The following APBB2 variants were observed in gnomAD, a reference collection of about 807,000 sequenced individuals.
The protein encoded by APBB2 is amyloid beta precursor protein binding family B member 2, also known as Fe65-like 1.
In APBB2, 38 loss-of-function variants were observed where a neutral mutation model predicts 82.5. That is an observed-to-expected ratio of 0.46 (90% confidence interval 0.36 to 0.60). The LOEUF (loss-of-function observed/expected upper bound fraction) is 0.60. Ranked by LOEUF, APBB2 falls within the 20% of genes least tolerant of loss-of-function variation. APBB2 has a pLI of 0.00. For synonymous variants in APBB2, 341 were observed against 368.2 expected (o/e 0.93, Z 0.85); for missense variants, 772 against 972.3 (o/e 0.79, Z 2.74).
chr4:40,971,843 A>G lies in APBB2; in HGVS notation c.836-26770T>C, dbSNP rs1022702466. On this transcript the variant is annotated intron_variant, in intron 6 of 17. Coordinates refer to ENST00000508593, the MANE Select transcript of APBB2 (RefSeq NM_004307.2). Reference sequence around the variant, plus strand: ...GTAATCCCTTAAATTCTTGATCTACATTCAAACCATTGACTTATTAATAGG... The same window carrying G: ...GTAATCCCTTAAATTCTTGATCTACGTTCAAACCATTGACTTATTAATAGG... Among the ~76,000 whole-genome samples the G allele has an allele frequency of 2.6e-5, 4 of 152,218 alleles. No homozygotes were observed. The South Asian group carries it at 8.3e-4, about 32-fold the overall frequency.
At chr4:40,929,559 A>C (rs995296325) in intron 10 of APBB2, among the ~76,000 whole-genome samples, 1 of 152,226 alleles carries the variant, frequency 6.6e-6, no homozygotes, top group Non-Finnish European at 1.5e-5. Flanking sequence ...GTGGCCTCCC[A>C]GAGTGCTGGG....
At chr4:40,881,856 C>T (rs1768718406) in intron 12 of APBB2, among the ~76,000 whole-genome samples, 1 of 152,064 alleles carries the variant, frequency 6.6e-6, no homozygotes, top group South Asian at 2.1e-4. Context: ...TTCTAAATCA[C>T]TGTCACCTAA....
intron 7 of APBB2, among the ~76,000 whole-genome samples, chr4:40,939,598 T>C (rs1400583215): frequency 6.6e-6 from 1 of 152,126 alleles, no homozygotes; most frequent in Non-Finnish European, 1.5e-5. Flanking sequence ...TTTATATGTG[T>C]ACAGTTTTTC....
intron 5 of APBB2, among the ~76,000 whole-genome samples, chr4:41,026,571 T>C (rs565866409): frequency 6.6e-6 from 1 of 152,252 alleles, no homozygotes; most frequent in African/African-American, 2.4e-5. Flanking sequence ...ACATTTCATA[T>C]AAACAGAATC....
rs1744592463 is a variant in APBB2, at chr4:41,099,353, C to G, written c.-149+1286G>C. The stretch of plus-strand genomic sequence containing the variant: ...AAGCAATTCTCCTGCCTCAGGCTTC[C>G]GAGTAGCTGGGATTACAGGCATGCA... On this transcript the variant is annotated intron_variant, in intron 3 of 17. Coordinates refer to ENST00000508593, the MANE Select transcript of APBB2 (RefSeq NM_004307.2). 3.3e-5 allele frequency among the ~76,000 whole-genome samples: 5 copies of G among 152,152 alleles called. No individual in the cohort carries two copies. The South Asian group carries it at 1.0e-3, about 32-fold the overall frequency.
intron 1 of APBB2, among the ~76,000 whole-genome samples, chr4:41,199,193 A>AC (rs1553993457): frequency 6.6e-6 from 1 of 152,010 alleles, no homozygotes; most frequent in East Asian, 1.9e-4. Flanking sequence ...GATGCCCTCA[A>AC]TAGAACTGAC....
chr4:40,830,206 A>G (rs917649653), intron 13 of APBB2, among the ~76,000 whole-genome samples: 1 of 151,180 alleles, frequency 6.6e-6, no homozygotes, highest in African/African-American at 2.4e-5. Context: ...CTGAACACAC[A>G]CACACATATA....
chr4:40,939,239 G>A (rs1431880215), intron 7 of APBB2, among the ~76,000 whole-genome samples: 1 of 152,118 alleles, frequency 6.6e-6, no homozygotes, highest in Non-Finnish European at 1.5e-5. Context: ...GGAATGCTGG[G>A]GTTCAAATTC....
At chr4:41,108,646 C>A (rs1748094171) in intron 2 of APBB2, among the ~76,000 whole-genome samples, 1 of 152,196 alleles carries the variant, frequency 6.6e-6, no homozygotes, top group African/African-American at 2.4e-5. Flanking sequence ...CAGATTTACA[C>A]TGACCAAACA....
chr4:40,959,766 C>G (rs2154390434), intron 6 of APBB2, among the ~76,000 whole-genome samples: 1 of 152,218 alleles, frequency 6.6e-6, no homozygotes, highest in Admixed American at 6.5e-5. Context: ...ATGCATAAAC[C>G]ATATACATTT....
intron 2 of APBB2, among the ~76,000 whole-genome samples, chr4:41,105,682 A>T (rs575724251): frequency 6.6e-6 from 1 of 152,302 alleles, no homozygotes; most frequent in Admixed American, 6.5e-5. Context: ...CAGGAGATTG[A>T]GACCATCCTG....
rs181752350 is a variant in APBB2, at chr4:40,961,498, G to T, written c.836-16425C>A. ...ATCACACTCTGGGGACTGTTGTGGG[G>T]TGGGGGGAGGGGGGAGGGATAGCAT... On this transcript the variant is annotated intron_variant, in intron 6 of 17. Coordinates refer to ENST00000508593, the MANE Select transcript of APBB2 (RefSeq NM_004307.2). Among the ~76,000 whole-genome samples, 656 of 90,484 alleles carry T rather than the reference G, an allele frequency of 7.2e-3. 2 individuals carry two copies. The highest frequency in any genetic ancestry group is 0.011 in the Non-Finnish European group (526 of 49,288). The allele number at this position is 90,484 out of a possible 152,430, so 59.4% of individuals were successfully genotyped here.
At position 41,041,994 on chromosome 4, in the gene APBB2, T is replaced by G. The variant is rs181232148; in HGVS notation, c.-50-8690A>C. ...CAAATATACCTGATCTCCAACTTTC[T>G]TTTTTTTTATTTTTTTGAGGCAGTC... On this transcript the variant is annotated intron_variant, in intron 4 of 17. Transcript: ENST00000508593. 1.3e-4 allele frequency among the ~76,000 whole-genome samples: 20 copies of G among 151,720 alleles called. No individual in the cohort carries two copies. The East Asian group carries it at 3.9e-3, about 29-fold the overall frequency.
chr4:41,116,690 T>C (rs1218266509), intron 2 of APBB2, among the ~76,000 whole-genome samples: 1 of 152,174 alleles, frequency 6.6e-6, no homozygotes, highest in Admixed American at 6.5e-5. Flanking sequence ...AAAAATAATA[T>C]GTATTGATTT....
intron 1 of APBB2, among the ~76,000 whole-genome samples, chr4:41,159,278 G>A (rs2154032808): frequency 6.6e-6 from 1 of 152,078 alleles, no homozygotes; most frequent in African/African-American, 2.4e-5. Flanking sequence ...AAACAGGAAG[G>A]AAGAAGGGAA....
chr4:41,066,631 T>C (rs553206189), intron 3 of APBB2, among the ~76,000 whole-genome samples: 1 of 152,046 alleles, frequency 6.6e-6, no homozygotes, highest in African/African-American at 2.4e-5. Flanking sequence ...TAAGGCTGGG[T>C]AGGAGTTAGC....
intron 6 of APBB2, among the ~76,000 whole-genome samples, chr4:41,010,228 T>A (rs1807938661): frequency 6.6e-6 from 1 of 152,192 alleles, no homozygotes; most frequent in African/African-American, 2.4e-5. Context: ...GTATATTTTT[T>A]AAAAACACAA....
intron 1 of APBB2, among the ~76,000 whole-genome samples, chr4:41,145,070 T>C (rs974463028): frequency 3.9e-5 from 6 of 152,216 alleles, no homozygotes; most frequent in Non-Finnish European, 7.3e-5. Flanking sequence ...CAGTGAGCCA[T>C]GTTCACGTCA....
intron 3 of APBB2, among the ~76,000 whole-genome samples, chr4:41,072,197 T>C (rs763099353): frequency 2.0e-4 from 30 of 152,310 alleles, no homozygotes; most frequent in South Asian, 4.1e-4. Context: ...TGGAGATAAA[T>C]TGATGGCGAA....
Sources: gnomAD v4.1 joint callset for allele counts (sites outside exome capture counted in the v4.1 genomes callset) on GRCh38, gnomAD v4.1.1 for gene constraint, MANE v1.5 for transcripts, NCBI Gene and HGNC (gene_info 2026-07-23, HGNC 2026-07-21) for gene names.